KDM2A: variants seen among roughly 807,000 people sequenced by gnomAD.
The protein encoded by KDM2A is lysine-specific demethylase 2A.
KDM2A carries 3 observed loss-of-function variants against 137.3 expected under a neutral mutation model. The observed-to-expected ratio is 0.02, with a 90% confidence interval of 0.01 to 0.06. The LOEUF is 0.06. Among genes scored for constraint, KDM2A ranks in the 10% least tolerant of loss-of-function variants. The probability of loss-of-function intolerance (pLI) is 1.00; values close to 1 mark genes in which losing one functional copy is unlikely to be tolerated. For missense variants in KDM2A, 738 were observed against 1,510.6 expected (o/e 0.49, Z 8.48); for synonymous variants, 512 against 541.5 (o/e 0.95, Z 0.76).
chr11:67,200,228 T>C (rs1857583939), intron 5 of KDM2A, among the ~76,000 whole-genome samples: 1 of 152,090 alleles, frequency 6.6e-6, no homozygotes, highest in Admixed American at 6.5e-5. Flanking sequence ...TTTTTTTTTT[T>C]CTTTTTAGAC....
intron 5 of KDM2A, among the ~76,000 whole-genome samples, chr11:67,191,494 C>T (rs1271009712): frequency 2.0e-5 from 3 of 152,146 alleles, no homozygotes; most frequent in Non-Finnish European, 2.9e-5. Context: ...AAGGATTATA[C>T]ACCATGACCA....
intron 1 of KDM2A, among the ~76,000 whole-genome samples, chr11:67,120,981 CTGG>C (rs989251426): frequency 4.6e-5 from 7 of 151,834 alleles, no homozygotes; most frequent in African/African-American, 1.7e-4. Flanking sequence ...TGGGGAGAAA[CTGG>C]TGGTGTGGCC....
At chr11:67,200,885 T>A (rs1465874677) in intron 5 of KDM2A, among the ~76,000 whole-genome samples, 2 of 152,068 alleles carry the variant, frequency 1.3e-5, no homozygotes, top group Admixed American at 6.6e-5. Context: ...TCAACTTTAG[T>A]CTTATTATTT....
intron 5 of KDM2A, among the ~76,000 whole-genome samples, chr11:67,204,651 C>G (rs1353006806): frequency 1.3e-5 from 2 of 152,108 alleles, no homozygotes; most frequent in Admixed American, 6.6e-5. Context: ...GCCACCACAC[C>G]TGGCTAATTT....
At position 67,133,185 on chromosome 11, in the gene KDM2A, C is replaced by T. The variant is rs181501132; in HGVS notation, c.42+11827C>T. Among the ~76,000 whole-genome samples, 11 of 151,748 alleles carry T rather than the reference C, an allele frequency of 7.2e-5. No homozygotes were observed. The East Asian group carries it at 1.4e-3, about 19-fold the overall frequency. Reference sequence around the variant, plus strand: ...TGCTATCTTGGCTCAGTGCAATCTCCGCCTTCAGGGTTCAAGCACTTCTCC... The same window carrying T: ...TGCTATCTTGGCTCAGTGCAATCTCTGCCTTCAGGGTTCAAGCACTTCTCC... On this transcript the variant is annotated intron_variant, in intron 2 of 20. Coordinates refer to ENST00000529006, the MANE Select transcript of KDM2A (RefSeq NM_012308.3).
intron 2 of KDM2A, among the ~76,000 whole-genome samples, chr11:67,159,186 T>C (rs1393455002): frequency 6.6e-6 from 1 of 152,214 alleles, no homozygotes; most frequent in African/African-American, 2.4e-5. Context: ...TGAGTTAATT[T>C]TTCTGAAAGG....
At chr11:67,177,798 A>G (rs981200315) in intron 2 of KDM2A, among the ~76,000 whole-genome samples, 5 of 152,222 alleles carry the variant, frequency 3.3e-5, no homozygotes, top group East Asian at 1.9e-4. Context: ...ATTATGTACT[A>G]TTCCTAACAG....
intron 10 of KDM2A, among the ~76,000 whole-genome samples, chr11:67,227,189 A>G (rs746378518): frequency 6.6e-6 from 1 of 152,232 alleles, no homozygotes; most frequent in African/African-American, 2.4e-5. Flanking sequence ...GTTTGTGGAC[A>G]TACCATTTTG....
At chr11:67,121,935 T>A (rs577779940) in intron 2 of KDM2A, among the ~76,000 whole-genome samples, 1 of 152,318 alleles carries the variant, frequency 6.6e-6, no homozygotes, top group East Asian at 1.9e-4. Context: ...ATAGATCTTG[T>A]TGAAAGAAAT....
intron 2 of KDM2A, among the ~76,000 whole-genome samples, chr11:67,171,867 C>T (rs1856888647): frequency 6.6e-6 from 1 of 152,234 alleles, no homozygotes; most frequent in Non-Finnish European, 1.5e-5. Flanking sequence ...GAGTTTATGC[C>T]TGCATTCTCC....
intron 5 of KDM2A, among the ~76,000 whole-genome samples, chr11:67,206,905 A>G (rs1224515154): frequency 2.0e-5 from 3 of 152,196 alleles, no homozygotes; most frequent in African/African-American, 7.2e-5. Context: ...TTATCATTCT[A>G]TAAATATTTG....
rs1037818541 is a variant in KDM2A at position 67,255,497 on chromosome 11, G to C, written c.*442G>C. On this transcript the variant is annotated 3_prime_UTR_variant, in exon 21 of 21. Coordinates refer to ENST00000529006, the MANE Select transcript of KDM2A (RefSeq NM_012308.3). ...CATGGCCAGGTTCTTGTGGTGTCCA[G>C]TGCGCGTCTCTCCTCCATCACACTC... The C allele has an allele frequency of 2.2e-5, 10 of 457,772 alleles. No individual in the cohort carries two copies. Among genetic ancestry groups the C allele is most frequent in the Non-Finnish European group, 4.4e-5 (10 of 227,790 alleles). 28.4% of individuals were successfully genotyped at this position (457,772 alleles called of 1,614,324 possible). A position where few individuals can be genotyped will look rare whatever the true frequency, so the allele number is the denominator to read the frequency against.
In KDM2A at chr11:67,120,750, G is replaced by A. The variant is rs1191023307; in HGVS notation, c.-83-484G>A. ...CAGGAGGGGTATGGGAAATTGTTTTGGGGTCATTTAAATCCTAATTTTTTG... is the reference window on the plus strand; with the variant it reads ...CAGGAGGGGTATGGGAAATTGTTTTAGGGTCATTTAAATCCTAATTTTTTG... On this transcript the variant is annotated intron_variant, in intron 1 of 20. Transcript: ENST00000529006. 2.0e-5 allele frequency among the ~76,000 whole-genome samples: 3 copies of A among 152,050 alleles called. No individual in the cohort carries two copies. In the East Asian group the frequency reaches 5.8e-4, roughly 29 times the overall value.
chr11:67,160,389 C>T (rs1250349385), intron 2 of KDM2A, among the ~76,000 whole-genome samples: 1 of 152,120 alleles, frequency 6.6e-6, no homozygotes, highest in Admixed American at 6.6e-5. Flanking sequence ...CTAGTAAATC[C>T]TGGGTTCAGG....
chr11:67,252,863 T>C lies in KDM2A; in HGVS notation c.2932+6T>C. On this transcript the variant is annotated splice_donor_region_variant and intron_variant, in intron 18 of 20. Coordinates refer to ENST00000529006, the MANE Select transcript of KDM2A (RefSeq NM_012308.3). Reference sequence around the variant, plus strand: ...GCTCGTCAATAGGCTGCCAGGTAAGTGAGCAGCCCTGCCGCTGTCTTTCCA... The same window carrying C: ...GCTCGTCAATAGGCTGCCAGGTAAGCGAGCAGCCCTGCCGCTGTCTTTCCA... 1.9e-6 allele frequency: 3 copies of C among 1,598,574 alleles called. No individual in the cohort carries two copies. The highest frequency in any genetic ancestry group is 2.6e-6 in the Non-Finnish European group (3 of 1,170,418).
chr11:67,151,512 C>G (rs1256937807), intron 2 of KDM2A, among the ~76,000 whole-genome samples: 1 of 151,842 alleles, frequency 6.6e-6, no homozygotes, highest in Non-Finnish European at 1.5e-5. Flanking sequence ...TAATGCCTGG[C>G]TAATTTTTTG....
intron 10 of KDM2A, among the ~76,000 whole-genome samples, chr11:67,220,918 A>G (rs1858325703): frequency 6.6e-6 from 1 of 152,106 alleles, no homozygotes; most frequent in Admixed American, 6.6e-5. Context: ...ATCCTTTTAT[A>G]TAGTTCATGA....
intron 8 of KDM2A, chr11:67,217,530 C>T: frequency 1.7e-6 from 1 of 584,112 alleles, no homozygotes; most frequent in Non-Finnish European, 3.0e-6. Flanking sequence ...AGCCTTAATG[C>T]TGTTGGATCA....
At chr11:67,239,969 C>T in intron 12 of KDM2A, 1 of 1,049,568 alleles carries the variant, frequency 9.5e-7, no homozygotes, top group Non-Finnish European at 1.2e-6. Context: ...CACACCCCCT[C>T]CCGGCTCTGC....
Sources: gnomAD v4.1 joint callset for allele counts (sites outside exome capture counted in the v4.1 genomes callset) on GRCh38, gnomAD v4.1.1 for gene constraint, MANE v1.5 for transcripts, NCBI Gene and HGNC (gene_info 2026-07-23, HGNC 2026-07-21) for gene names.